Variants in KRT39 observed in about 807,000 individuals in gnomAD.
The protein encoded by KRT39 is keratin 39.
Under a neutral mutation model 54.8 loss-of-function variants are expected in KRT39, and 47 were observed. The ratio of observed to expected loss-of-function variants is 0.86; its 90% CI spans 0.68 to 1.09. KRT39 has a LOEUF of 1.09. KRT39 is among the 50% of genes least tolerant of loss of function. The probability of loss-of-function intolerance (pLI) is 0.00; values close to 1 mark genes in which losing one functional copy is unlikely to be tolerated. For synonymous variants in KRT39, 207 were observed against 227.9 expected (o/e 0.91, Z 0.83); for missense variants, 580 against 598.5 (o/e 0.97, Z 0.32).
intron 1 of KRT39, among the ~76,000 whole-genome samples, chr17:40,965,596 G>A (rs9912263): frequency 7.9e-5 from 12 of 152,266 alleles, no homozygotes; most frequent in African/African-American, 2.9e-4. Flanking sequence ...TGTAGTAGCA[G>A]AATACGTCTG....
chr17:40,962,627 C>T, intron 3 of KRT39, 64 bp from the exon 4 acceptor site: 1 of 1,396,914 alleles, frequency 7.2e-7, no homozygotes, highest in Non-Finnish European at 1.0e-6. Flanking sequence ...GTTCTTGTTT[C>T]ACTCTAACTG....
At chr17:40,966,059 G>T (rs531643387) in intron 1 of KRT39, among the ~76,000 whole-genome samples, 104 of 122,296 alleles carry the variant, frequency 8.5e-4, no homozygotes, top group African/African-American at 1.9e-3. Flanking sequence ...ATTTTTTTTT[G>T]TGTGTGTATG....
rs1259885276 is a variant in KRT39 at position 40,964,496 on chromosome 17, C to T, written c.501G>A (p.Leu167=). 6.2e-7 allele frequency: 1 copy of T among 1,613,944 alleles called. No homozygotes were observed. Among genetic ancestry groups the T allele is most frequent in the African/African-American group, 1.3e-5 (1 of 74,904 alleles). Residue 167 remains leucine (L), a synonymous_variant, in exon 2 of 7, where the codon CTG becomes CTA. Coordinates refer to ENST00000355612, the MANE Select transcript of KRT39 (RefSeq NM_213656.4). ...GTTTGGTGTTGTCAATTTGCGAGAC[C>T]AGTCTGGAATTCTCGGCCTTGGTAC... The part of the protein sequence containing the change: ...ILCTKAENSR[L]VSQIDNTKLT...
In KRT39 at chr17:40,966,761, G is replaced by A. The variant is rs17645930; in HGVS notation, c.96C>T (p.Asn32=). Residue 32 remains asparagine, a synonymous_variant, in exon 1 of 7, where the codon AAC becomes AAT. Coordinates refer to ENST00000355612, the MANE Select transcript of KRT39 (RefSeq NM_213656.4). The part of the protein sequence containing the change: ...ITNVSTISSN[N]GCHPGGLTVN... Reference sequence around the variant, plus strand: ...CTGTAAGGCCACCAGGATGGCAGCCGTTGTTAGAAGAGATGGTACTAACAT... The same window carrying A: ...CTGTAAGGCCACCAGGATGGCAGCCATTGTTAGAAGAGATGGTACTAACAT... 208,053 of 1,613,860 alleles carry A rather than the reference G, an allele frequency of 0.13. 13,857 individuals carry two copies. The highest frequency in any genetic ancestry group is 0.14 in the African/African-American group (10,795 of 74,992).
intron 3 of KRT39, among the ~76,000 whole-genome samples, chr17:40,963,231 T>C (rs1250835574): frequency 2.0e-5 from 3 of 152,180 alleles, no homozygotes; most frequent in Non-Finnish European, 4.4e-5. Flanking sequence ...ATAATTCCCA[T>C]GTGTCAAGGG....
intron 5 of KRT39, among the ~76,000 whole-genome samples, chr17:40,961,056 G>T (rs1911132177): frequency 6.6e-6 from 1 of 152,046 alleles, no homozygotes; most frequent in African/African-American, 2.4e-5. Context: ...CTTGAACCCG[G>T]GAGGTGGAGG....
chr17:40,964,913 T>G (rs551620144), intron 1 of KRT39, among the ~76,000 whole-genome samples: 39 of 142,390 alleles, frequency 2.7e-4, no homozygotes, highest in African/African-American at 1.0e-3. Flanking sequence ...AATACAAAAA[T>G]TGGCCGGGCG....
Position 40,958,552 on chromosome 17 carries a change from T to C in KRT39, c.*49A>G. 6.4e-7 allele frequency: 1 copy of C among 1,554,704 alleles called. No individual in the cohort carries two copies. Among genetic ancestry groups the C allele is most frequent in the South Asian group, 1.3e-5 (1 of 79,650 alleles). On this transcript the variant is annotated 3_prime_UTR_variant, in exon 7 of 7. Transcript: ENST00000355612. ...CTTAAACCTCTCTGGCAGGAGCATG[T>C]ATTGGCCTCTGTTTCATAAATGTGG...
Position 40,962,458 on chromosome 17 carries a change from A to G in KRT39, c.814T>C (p.Tyr272His). The G allele has an allele frequency of 1.2e-6, 2 of 1,614,224 alleles. No homozygotes were observed. The highest frequency in any genetic ancestry group is 1.7e-6 in the Non-Finnish European group (2 of 1,180,044). The change falls in exon 4 of 7, where the codon TAT becomes CAT. Residue 272 changes from tyrosine to histidine, a missense_variant. By Grantham distance (83) the Tyr-to-His change is moderately conservative (BLOSUM62 2). Transcript: ENST00000355612. ...NQVLQEMRCQ[Y>H]EPIMETNRKD... ...CGGTTTGTCTCCATGATGGGCTCAT[A>G]TTGACATCTCATTTCTTGTAGAACC...
intron 6 of KRT39, 102 bp from the exon 7 acceptor site, chr17:40,958,961 A>G (rs954953272): frequency 2.2e-5 from 22 of 999,564 alleles, no homozygotes; most frequent in Admixed American, 7.1e-5. Flanking sequence ...GTTGCTCAAG[A>G]CAAGTACATA....
intron 5 of KRT39, among the ~76,000 whole-genome samples, chr17:40,961,908 A>G (rs931151901): frequency 1.3e-5 from 2 of 152,236 alleles, no homozygotes; most frequent in African/African-American, 4.8e-5. Flanking sequence ...GCTGAATACC[A>G]TATACCCCCT....
In KRT39 at chr17:40,962,549, T is replaced by C. The variant is rs756722890; in HGVS notation, c.723A>G (p.Leu241=). 6.2e-7 allele frequency: 1 copy of C among 1,612,124 alleles called. No individual in the cohort carries two copies. Among genetic ancestry groups the C allele is most frequent in the Non-Finnish European group, 8.5e-7 (1 of 1,179,504 alleles). The change falls in exon 4 of 7, where the codon TTA becomes TTG. Residue 241 remains leucine (L), a synonymous_variant. Transcript: ENST00000355612. ...KNNHKEEINS[L]QCQLGERLDI... ...CAAGTCTCTCCCCAAGCTGACACTGTAAAGAATTGATTTCCTAAGGAAAGA... is the reference window on the plus strand; with the variant it reads ...CAAGTCTCTCCCCAAGCTGACACTGCAAAGAATTGATTTCCTAAGGAAAGA...
chr17:40,965,890 T>A (rs1298580694), intron 1 of KRT39, among the ~76,000 whole-genome samples: 3 of 152,076 alleles, frequency 2.0e-5, no homozygotes, highest in Non-Finnish European at 2.9e-5. Context: ...CTTCTTTTTG[T>A]TTCTGATTTT....
chr17:40,966,067 A>ATGTG (rs71300040), intron 1 of KRT39, among the ~76,000 whole-genome samples: 4,830 of 147,396 alleles, frequency 0.033, 105 homozygotes, highest in Non-Finnish European at 0.05. Flanking sequence ...TTGTGTGTGT[A>ATGTG]TGTGTGTGTG....
At position 40,966,671 on chromosome 17, in the gene KRT39, A is replaced by G; in HGVS notation, c.186T>C (p.Thr62=). ...RIPWDQGCQP[T]PRFCRKPIYL... ...AGATGGGCTTGCGACAAAAGCGAGG[A>G]GTGGGTTGGCAGCCCTGGTCCCAGG... The change falls in exon 1 of 7, where the codon ACT becomes ACC. Residue 62 remains threonine (T), a synonymous_variant. Coordinates refer to ENST00000355612, the MANE Select transcript of KRT39 (RefSeq NM_213656.4). The G allele has an allele frequency of 6.2e-7, 1 of 1,614,174 alleles. No individual in the cohort carries two copies. Among genetic ancestry groups the G allele is most frequent in the Non-Finnish European group, 8.5e-7 (1 of 1,180,028 alleles).
chr17:40,960,647 A>G, intron 5 of KRT39, 146 bp from the exon 6 acceptor site: 1 of 635,242 alleles, frequency 1.6e-6, no homozygotes, highest in South Asian at 1.9e-5. Flanking sequence ...AATCAAATAA[A>G]TCCAAAACCC....
At position 40,960,406 on chromosome 17, in the gene KRT39, C is replaced by T. The variant is rs1911098930; in HGVS notation, c.1092G>A (p.Gln364=). 6.2e-7 allele frequency: 1 copy of T among 1,614,010 alleles called. No homozygotes were observed. Among genetic ancestry groups the T allele is most frequent in the Non-Finnish European group, 8.5e-7 (1 of 1,180,030 alleles). The part of the protein sequence containing the change: ...IQSLIDNLEA[Q]LAEIRCALER... ...CCAGGGCACACCGGATCTCTGCCAGCTGAGCTTCCAGGTTATCAATCAGAC... is the reference window on the plus strand; with the variant it reads ...CCAGGGCACACCGGATCTCTGCCAGTTGAGCTTCCAGGTTATCAATCAGAC... Residue 364 remains glutamine, a synonymous_variant, in exon 6 of 7, where the codon CAG becomes CAA. Coordinates refer to ENST00000355612, the MANE Select transcript of KRT39 (RefSeq NM_213656.4).
chr17:40,962,028 T>C, intron 5 of KRT39, 134 bp downstream of exon 5: 1 of 1,272,850 alleles, frequency 7.9e-7, no homozygotes, highest in Non-Finnish European at 1.1e-6. Context: ...ACAAAGCTCT[T>C]TTTCAGCCAT....
chr17:40,964,279 G>A lies in KRT39; in HGVS notation c.551+167C>T, dbSNP rs1025851233. 21 of 656,422 alleles carry A rather than the reference G, an allele frequency of 3.2e-5. No individual in the cohort carries two copies. In the Admixed American group the frequency reaches 5.0e-4, roughly 16 times the overall value. The allele number at this position is 656,422 out of a possible 1,614,324, so 40.7% of individuals were successfully genotyped here. A position where few individuals can be genotyped will look rare whatever the true frequency, so the allele number is the denominator to read the frequency against. On this transcript the variant is annotated intron_variant, in intron 2 of 6. Coordinates refer to ENST00000355612, the MANE Select transcript of KRT39 (RefSeq NM_213656.4). ...AACTATAGGTACTGTATACATGTGA[G>A]CAGTTATTAATCTTAATCATTCATT...
Sources: allele counts gnomAD v4.1 joint callset (sites outside exome capture counted in the v4.1 genomes callset), GRCh38; gene constraint gnomAD v4.1.1; transcripts MANE v1.5; gene names NCBI Gene and HGNC (gene_info 2026-07-23, HGNC 2026-07-21).